Variants in TMEM63C observed in about 807,000 individuals in gnomAD.
TMEM63C encodes the protein osmosensitive cation channel TMEM63C.
A neutral mutation model predicts 99.2 loss-of-function variants in TMEM63C; 32 were observed. That is an observed-to-expected ratio of 0.32 (90% CI 0.24 to 0.43). The LOEUF (loss-of-function observed/expected upper bound fraction) is 0.43. TMEM63C is among the 20% of genes least tolerant of loss of function. The pLI, the probability that TMEM63C is intolerant of heterozygous loss-of-function variation, is 1.00. For synonymous variants in TMEM63C, 376 were observed against 397.9 expected, an observed-to-expected ratio of 0.94 and a Z score of 0.66; for missense variants, 826 against 1,053.0, an observed-to-expected ratio of 0.78 and a Z score of 2.98.
At chr14:77,250,252 G>T (rs1023286647) in intron 21 of TMEM63C, among the ~76,000 whole-genome samples, 3 of 152,050 alleles carry the variant, frequency 2.0e-5, no homozygotes, top group Admixed American at 6.6e-5. Flanking sequence ...CTGCCCAGGG[G>T]AGCTCAGAGA....
intron 1 of TMEM63C, among the ~76,000 whole-genome samples, chr14:77,191,538 C>CTTTTTTTTTTT (rs71125542): frequency 2.1e-4 from 17 of 82,604 alleles, no homozygotes; most frequent in East Asian, 8.0e-4. Context: ...TTTTCTTTTT[C>CTTTTTTTTTTT]TTTTTTTTTT....
intron 4 of TMEM63C, 92 bp downstream of exon 4, chr14:77,219,669 C>A (rs117744819): frequency 0.04 from 54,284 of 1,357,274 alleles, 1,324 homozygotes; most frequent in Non-Finnish European, 0.046. Context: ...GCCCGAGCTG[C>A]AGCAGGTGTC....
At chr14:77,205,827 G>A (rs1191952611) in intron 1 of TMEM63C, among the ~76,000 whole-genome samples, 1 of 152,188 alleles carries the variant, frequency 6.6e-6, no homozygotes. Flanking sequence ...AAAAGGAGCA[G>A]GGAGCTGTGC....
intron 23 of TMEM63C, 78 bp from the exon 24 acceptor site, chr14:77,256,448 G>A (rs545088167): frequency 7.1e-6 from 10 of 1,417,996 alleles, no homozygotes; most frequent in Non-Finnish European, 8.9e-6. Flanking sequence ...TGGGGGTGGG[G>A]CATGAGGGGA....
chr14:77,227,398 G>A (rs766076076), intron 6 of TMEM63C, among the ~76,000 whole-genome samples: 7 of 152,174 alleles, frequency 4.6e-5, no homozygotes, highest in Non-Finnish European at 7.4e-5. Context: ...CTGGTTTCTG[G>A]GGAGGGTAGT....
At chr14:77,188,176 A>G (rs1258729548) in intron 1 of TMEM63C, among the ~76,000 whole-genome samples, 1 of 152,130 alleles carries the variant, frequency 6.6e-6, no homozygotes, top group Non-Finnish European at 1.5e-5. Context: ...TCCTTGATGA[A>G]GCCCTCCCTG....
chr14:77,249,192 C>A, intron 20 of TMEM63C, 99 bp from the exon 21 acceptor site: 1 of 1,290,712 alleles, frequency 7.7e-7, no homozygotes, highest in Admixed American at 1.8e-5. Context: ...GTGACTCTGA[C>A]AGCCGTGGAT....
chr14:77,204,961 C>T (rs1888370219), intron 1 of TMEM63C, among the ~76,000 whole-genome samples: 1 of 152,222 alleles, frequency 6.6e-6, no homozygotes, highest in Non-Finnish European at 1.5e-5. Context: ...GCCTGCCTCC[C>T]AAGATGCTCA....
At chr14:77,238,610 G>C in intron 9 of TMEM63C, 84 bp from the exon 10 acceptor site, 1 of 1,135,210 alleles carries the variant, frequency 8.8e-7, no homozygotes, top group Non-Finnish European at 1.3e-6. Flanking sequence ...CAGAAGGCCT[G>C]CTCTGAGCCA....
chr14:77,256,965 A>C lies in TMEM63C; in HGVS notation c.*239A>C. 1.9e-6 allele frequency: 1 copy of C among 538,846 alleles called. No homozygotes were observed. Among genetic ancestry groups the C allele is most frequent in the South Asian group, 2.4e-5 (1 of 41,760 alleles). The allele number at this position is 538,846 out of a possible 1,614,324, so 33.4% of individuals were successfully genotyped here. On this transcript the variant is annotated 3_prime_UTR_variant, in exon 24 of 24. Coordinates refer to ENST00000298351, the MANE Select transcript of TMEM63C (RefSeq NM_020431.4). ...TGGGAAGGGATGGGAGGATACAGGC[A>C]AGCACATGTCTTGAGAGAGGTGGCT...
chr14:77,215,698 G>A lies in TMEM63C; in HGVS notation c.-14+2190G>A, dbSNP rs542970798. ...CCGCCGCCACTCCTGGGACCAGCCA[G>A]CACCTGAGCATGTGTGCTGCCTTCC... On this transcript the variant is annotated intron_variant, in intron 2 of 23. Transcript: ENST00000298351. Among the ~76,000 whole-genome samples the A allele has an allele frequency of 1.1e-3, 162 of 151,986 alleles. 1 individual carries two copies. The highest frequency in any genetic ancestry group is 3.7e-3 in the African/African-American group (153 of 41,446).
At chr14:77,255,978 T>C (rs903733432) in intron 23 of TMEM63C, among the ~76,000 whole-genome samples, 8 of 152,238 alleles carry the variant, frequency 5.3e-5, no homozygotes, top group African/African-American at 1.9e-4. Context: ...AGGATGACAA[T>C]TGCTCTTCTT....
At chr14:77,232,374 G>T (rs2140119158) in intron 7 of TMEM63C, among the ~76,000 whole-genome samples, 1 of 152,198 alleles carries the variant, frequency 6.6e-6, no homozygotes, top group South Asian at 2.1e-4. Flanking sequence ...TGCAACCTCT[G>T]CCTCCTGGGT....
chr14:77,217,256 C>T lies in TMEM63C; in HGVS notation c.-13-1545C>T, dbSNP rs571430987. Among the ~76,000 whole-genome samples, 28 of 152,268 alleles carry T rather than the reference C, an allele frequency of 1.8e-4. No homozygotes were observed. The East Asian group carries it at 4.8e-3, about 26-fold the overall frequency. The stretch of plus-strand genomic sequence containing the variant: ...GCTTCCCCAACTCTCCGGGCAAGCT[C>T]GAAGCCCAGGGCCTCTCCTCCACTT... On this transcript the variant is annotated intron_variant, in intron 2 of 23. Transcript: ENST00000298351.
intron 18 of TMEM63C, 90 bp downstream of exon 18, chr14:77,246,764 G>T: frequency 9.1e-7 from 1 of 1,094,712 alleles, no homozygotes; most frequent in Non-Finnish European, 1.3e-6. Flanking sequence ...ACCTGAATTT[G>T]CTCACAGAAG....
chr14:77,253,406 G>T (rs1174579454), intron 23 of TMEM63C, 30 bp downstream of exon 23: 6 of 1,584,862 alleles, frequency 3.8e-6, no homozygotes, highest in Non-Finnish European at 5.2e-6. Context: ...GACAGGTTGG[G>T]AGGGTGGTGC....
In TMEM63C at chr14:77,191,672, G is replaced by A. The variant is rs567651853; in HGVS notation, c.-77+9778G>A. Among the ~76,000 whole-genome samples, 15 of 149,676 alleles carry A rather than the reference G, an allele frequency of 1.0e-4. No homozygotes were observed. In the South Asian group the frequency reaches 2.8e-3, roughly 28 times the overall value. ...CATTTCTCCTGCCTCAGCCTCCCAA[G>A]TAGCTGGGATCACAGGCATGCGCCA... On this transcript the variant is annotated intron_variant, in intron 1 of 23. Transcript: ENST00000298351.
At chr14:77,223,715 C>A (rs1456125535) in intron 5 of TMEM63C, among the ~76,000 whole-genome samples, 1 of 152,044 alleles carries the variant, frequency 6.6e-6, no homozygotes, top group Admixed American at 6.5e-5. Flanking sequence ...ATATTCATGG[C>A]CACGCTTCTA....
At chr14:77,224,885 C>G (rs1311712820) in intron 5 of TMEM63C, among the ~76,000 whole-genome samples, 2 of 152,018 alleles carry the variant, frequency 1.3e-5, no homozygotes, top group East Asian at 3.9e-4. Flanking sequence ...CCAGGCTGGA[C>G]TCAAACTCCT....
Sources: gnomAD v4.1 joint callset for allele counts (sites outside exome capture counted in the v4.1 genomes callset) on GRCh38, gnomAD v4.1.1 for gene constraint, MANE v1.5 for transcripts, NCBI Gene and HGNC (gene_info 2026-07-23, HGNC 2026-07-21) for gene names.